GALNT13: variants seen among roughly 807,000 people sequenced by gnomAD.
GALNT13 encodes the protein polypeptide N-acetylgalactosaminyltransferase 13.
In GALNT13, 28 loss-of-function variants were observed where a neutral mutation model predicts 64.2. That is an observed-to-expected ratio of 0.44 (90% CI 0.32 to 0.60). The LOEUF (loss-of-function observed/expected upper bound fraction) is 0.60. Among genes scored for constraint, GALNT13 ranks in the 20% least tolerant of loss-of-function variants. The pLI, the probability that GALNT13 is intolerant of heterozygous loss-of-function variation, is 0.05. For missense variants in GALNT13, 577 were observed against 669.8 expected, an observed-to-expected ratio of 0.86 and a Z score of 1.53; for synonymous variants, 214 against 224.6, an observed-to-expected ratio of 0.95 and a Z score of 0.42.
At chr2:153,991,850 C>T (rs1026485574) in intron 3 of GALNT13, among the ~76,000 whole-genome samples, 1 of 151,962 alleles carries the variant, frequency 6.6e-6, no homozygotes, top group Non-Finnish European at 1.5e-5. Flanking sequence ...TGTTACTGGG[C>T]TGTTGTTTTG....
the GALNT13 span, among the ~76,000 whole-genome samples, chr2:153,244,413 T>C: frequency 1.8e-4 from 27 of 152,302 alleles, no homozygotes; most frequent in African/African-American, 6.5e-4. Flanking sequence ...TTGAGACCAA[T>C]GCAGAAGGTG....
chr2:154,002,779 G>C (rs1030153936), intron 3 of GALNT13, among the ~76,000 whole-genome samples: 2 of 152,050 alleles, frequency 1.3e-5, no homozygotes, highest in African/African-American at 4.8e-5. Context: ...TTGTTCTTTG[G>C]TGGTTTTAGA....
At chr2:153,348,563 T>C in the GALNT13 span, among the ~76,000 whole-genome samples, 1 of 152,186 alleles carries the variant, frequency 6.6e-6, no homozygotes, top group Non-Finnish European at 1.5e-5. Flanking sequence ...TTCTGTAAGA[T>C]AAATATTTCT....
At chr2:153,121,887 C>A in the GALNT13 span, among the ~76,000 whole-genome samples, 1 of 152,160 alleles carries the variant, frequency 6.6e-6, no homozygotes, top group African/African-American at 2.4e-5. Context: ...ATCACATTAT[C>A]TTAACCACTA....
chr2:154,449,831 A>G (rs1261905095), intron 12 of GALNT13, among the ~76,000 whole-genome samples: 2 of 151,998 alleles, frequency 1.3e-5, no homozygotes, highest in Admixed American at 6.6e-5. Context: ...TATTTTTAAG[A>G]TTCTTAAAAA....
the GALNT13 span, among the ~76,000 whole-genome samples, chr2:153,637,388 C>G: frequency 6.6e-6 from 1 of 152,102 alleles, no homozygotes; most frequent in African/African-American, 2.4e-5. Flanking sequence ...AGTGGAAATT[C>G]CAATTTTGGC....
At chr2:153,462,361 A>G in the GALNT13 span, among the ~76,000 whole-genome samples, 1 of 152,210 alleles carries the variant, frequency 6.6e-6, no homozygotes, top group African/African-American at 2.4e-5. Flanking sequence ...AGATGAAGGC[A>G]TTTTTTAAAT....
chr2:153,312,465 G>A, the GALNT13 span, among the ~76,000 whole-genome samples: 3 of 152,276 alleles, frequency 2.0e-5, no homozygotes, highest in African/African-American at 7.2e-5. Flanking sequence ...GAAGGGAAAT[G>A]TGTTGGCTCA....
chr2:154,291,810 C>T (rs1249362903), intron 8 of GALNT13, among the ~76,000 whole-genome samples: 1 of 152,248 alleles, frequency 6.6e-6, no homozygotes, highest in South Asian at 2.1e-4. Flanking sequence ...AGGCCGAGGC[C>T]GAGGAGGTGC....
the GALNT13 span, among the ~76,000 whole-genome samples, chr2:153,809,259 T>C: frequency 6.6e-6 from 1 of 152,172 alleles, no homozygotes; most frequent in Non-Finnish European, 1.5e-5. Flanking sequence ...TAGGATGTTT[T>C]CTCCAACAAT....
At position 153,963,620 on chromosome 2, in the gene GALNT13, A is replaced by G. The variant is rs564778378; in HGVS notation, c.142+18981A>G. Among the ~76,000 whole-genome samples, 6 of 151,732 alleles carry G rather than the reference A, an allele frequency of 4.0e-5. No homozygotes were observed. In the South Asian group the frequency reaches 1.0e-3, roughly 26 times the overall value. ...ATTTTAAATTTTAGCCATTTTACTG[A>G]GTTAATTGTGGTATCTCATTGTGAT... is the stretch of plus-strand genomic sequence containing the variant. On this transcript the variant is annotated intron_variant, in intron 3 of 12. Coordinates refer to ENST00000392825, the MANE Select transcript of GALNT13 (RefSeq NM_052917.4).
the GALNT13 span, among the ~76,000 whole-genome samples, chr2:153,313,728 G>GT: frequency 1.3e-5 from 2 of 152,122 alleles, no homozygotes; most frequent in Non-Finnish European, 2.9e-5. Context: ...TTAAAGGATT[G>GT]TTTTTGCTTA....
the GALNT13 span, among the ~76,000 whole-genome samples, chr2:153,764,801 C>T: frequency 6.6e-6 from 1 of 152,234 alleles, no homozygotes; most frequent in African/African-American, 2.4e-5. Flanking sequence ...CCAGGGCCCC[C>T]TGCTGTGTGC....
chr2:153,818,977 C>T, the GALNT13 span, among the ~76,000 whole-genome samples: 6 of 152,128 alleles, frequency 3.9e-5, no homozygotes, highest in East Asian at 1.9e-4. Flanking sequence ...TTGGACCAGC[C>T]GGACCTGGGT....
rs546721698 is a variant in GALNT13 at position 154,076,937 on chromosome 2, T to C, written c.143-63400T>C. ...TGCTATATTCTGTAAGTGAAACTTATTAACGTTTGCAGCATTTCCTAAGGT... is the reference window on the plus strand; with the variant it reads ...TGCTATATTCTGTAAGTGAAACTTACTAACGTTTGCAGCATTTCCTAAGGT... On this transcript the variant is annotated intron_variant, in intron 3 of 12. Transcript: ENST00000392825. Among the ~76,000 whole-genome samples the C allele has an allele frequency of 2.6e-4, 40 of 151,770 alleles. 1 individual carries two copies. The South Asian group carries it at 3.5e-3, about 13-fold the overall frequency.
chr2:153,858,713 GTTT>G, the GALNT13 span, among the ~76,000 whole-genome samples: 1 of 151,836 alleles, frequency 6.6e-6, no homozygotes, highest in African/African-American at 2.4e-5. Context: ...TAGTTTATAG[GTTT>G]TTTTATTTAT....
Position 154,306,983 on chromosome 2 carries a change from G to A in GALNT13, c.1156+5394G>A, listed in dbSNP as rs1042730376. Among the ~76,000 whole-genome samples the A allele has an allele frequency of 2.7e-5, 4 of 149,790 alleles. No homozygotes were observed. The South Asian group carries it at 8.4e-4, about 31-fold the overall frequency. On this transcript the variant is annotated intron_variant, in intron 9 of 12. Transcript: ENST00000392825. ...GCAAGAAGGTGGTTTGTTTCAGAAA[G>A]GGCTGTTATTTTTTTTTTTTTTAGC...
At chr2:153,694,057 A>G in the GALNT13 span, among the ~76,000 whole-genome samples, 1 of 152,128 alleles carries the variant, frequency 6.6e-6, no homozygotes, top group Non-Finnish European at 1.5e-5. Flanking sequence ...GCAGTGAGCC[A>G]AGATCATGCC....
At chr2:153,440,489 T>C in the GALNT13 span, among the ~76,000 whole-genome samples, 1 of 152,174 alleles carries the variant, frequency 6.6e-6, no homozygotes, top group Admixed American at 6.5e-5. Flanking sequence ...CTGGGTCAAA[T>C]GGTATTTCTG....
Sources: allele counts gnomAD v4.1 joint callset (sites outside exome capture counted in the v4.1 genomes callset), GRCh38; gene constraint gnomAD v4.1.1; transcripts MANE v1.5; gene names NCBI Gene and HGNC (gene_info 2026-07-23, HGNC 2026-07-21).